FER: variants seen among roughly 807,000 people sequenced by gnomAD.
FER encodes the protein tyrosine-protein kinase Fer.
A neutral mutation model predicts 111.0 loss-of-function variants in FER; 63 were observed. The observed-to-expected ratio is 0.57, with a 90% CI of 0.46 to 0.70. The LOEUF (loss-of-function observed/expected upper bound fraction) is 0.70. FER is among the 30% of genes least tolerant of loss of function. The probability of loss-of-function intolerance (pLI) is 0.00; values close to 1 mark genes in which losing one functional copy is unlikely to be tolerated. For synonymous variants in FER, 327 were observed against 313.9 expected (o/e 1.04, Z -0.44); for missense variants, 914 against 954.0 (o/e 0.96, Z 0.55).
In FER at chr5:109,184,009, A is replaced by G. The variant is rs555119223; in HGVS notation, c.2204-2191A>G. Among the ~76,000 whole-genome samples the G allele has an allele frequency of 2.9e-3, 441 of 152,198 alleles. 3 individuals carry two copies. The highest frequency in any genetic ancestry group is 0.026 in the South Asian group (126 of 4,810). ...TCTCTCATATACTTTAAAAAAAAAT[A>G]CAAAATGGTAGAATACTCAACACCT... is the stretch of plus-strand genomic sequence containing the variant. On this transcript the variant is annotated intron_variant, in intron 18 of 19. Transcript: ENST00000281092.
rs375033271 is a variant in FER at position 108,766,599 on chromosome 5, A to C, written c.-205-1494A>C. ...CCTAAGGGCGAAGGCACCCTTTGGA[A>C]ATGGTTAAAAGATTAGAAAAGTAGA... On this transcript the variant is annotated intron_variant, in intron 1 of 19. Coordinates refer to ENST00000281092, the MANE Select transcript of FER (RefSeq NM_005246.4). Among the ~76,000 whole-genome samples the C allele has an allele frequency of 7.9e-5, 12 of 152,230 alleles. No homozygotes were observed. The East Asian group carries it at 2.3e-3, about 29-fold the overall frequency.
At chr5:109,135,853 C>G (rs939312551) in intron 17 of FER, among the ~76,000 whole-genome samples, 9 of 152,040 alleles carry the variant, frequency 5.9e-5, no homozygotes, top group Non-Finnish European at 1.0e-4. Flanking sequence ...AACCAGCGCT[C>G]AAAAACAGAA....
chr5:109,173,616 TC>T (rs1202653984), intron 17 of FER, among the ~76,000 whole-genome samples: 1 of 152,198 alleles, frequency 6.6e-6, no homozygotes, highest in Non-Finnish European at 1.5e-5. Flanking sequence ...CCAGGCCTGC[TC>T]AACCAGTTTT....
intron 15 of FER, among the ~76,000 whole-genome samples, chr5:109,045,506 C>G (rs1393328694): frequency 6.6e-6 from 1 of 152,054 alleles, no homozygotes; most frequent in African/African-American, 2.4e-5. Context: ...TTGGGACAGA[C>G]AGGCATTTGA....
intron 13 of FER, among the ~76,000 whole-genome samples, chr5:108,982,086 C>T (rs2149723764): frequency 6.6e-6 from 1 of 152,168 alleles, no homozygotes. Context: ...TCAACATCAC[C>T]TGGGAACTTG....
Position 108,756,180 on chromosome 5 carries a change from TAATA to T in FER, c.-206+8185_-206+8188del, listed in dbSNP as rs775909799. On this transcript the variant is annotated intron_variant, in intron 1 of 19. Coordinates refer to ENST00000281092, the MANE Select transcript of FER (RefSeq NM_005246.4). ...TCAAAAAAAAAAAAAAAAATAATAA[TAATA>T]AATACAATAAAAAGAAAATATACAG... Among the ~76,000 whole-genome samples, 518 of 150,204 alleles carry T rather than the reference TAATA, an allele frequency of 3.4e-3. 1 individual carries two copies. Among genetic ancestry groups the T allele is most frequent in the South Asian group, 0.011 (52 of 4,742 alleles).
chr5:109,048,940 G>T (rs961938057), intron 16 of FER, among the ~76,000 whole-genome samples: 3 of 151,430 alleles, frequency 2.0e-5, no homozygotes, highest in Non-Finnish European at 1.5e-5. Context: ...ATTCCATTTT[G>T]TGGATTTACA....
chr5:109,081,256 G>T (rs1471069740), intron 16 of FER, among the ~76,000 whole-genome samples: 2 of 151,982 alleles, frequency 1.3e-5, no homozygotes, highest in Admixed American at 1.3e-4. Flanking sequence ...TATAGAATGG[G>T]TCCTTTTCTT....
chr5:108,878,874 G>T (rs1375560184), intron 8 of FER, among the ~76,000 whole-genome samples: 2 of 152,108 alleles, frequency 1.3e-5, no homozygotes, highest in Non-Finnish European at 2.9e-5. Context: ...TCTAGGATGT[G>T]TAATTACTAA....
At position 108,968,319 on chromosome 5, in the gene FER, G is replaced by A. The variant is rs181404338; in HGVS notation, c.1656+8972G>A. 8.9e-4 allele frequency among the ~76,000 whole-genome samples: 135 copies of A among 152,204 alleles called. 1 individual carries two copies. The highest frequency in any genetic ancestry group is 1.8e-3 in the African/African-American group (73 of 41,546). ...GGACAATTGCTTGAACCTGGGAGGCGGAGGTTGCAGTGAGCCAAGATCATG... is the reference window on the plus strand; with the variant it reads ...GGACAATTGCTTGAACCTGGGAGGCAGAGGTTGCAGTGAGCCAAGATCATG... On this transcript the variant is annotated intron_variant, in intron 13 of 19. Transcript: ENST00000281092.
At chr5:109,169,254 A>G (rs1756854311) in intron 17 of FER, among the ~76,000 whole-genome samples, 1 of 152,208 alleles carries the variant, frequency 6.6e-6, no homozygotes, top group Non-Finnish European at 1.5e-5. Flanking sequence ...GTCTTATCAA[A>G]TATAATGCAG....
intron 11 of FER, 54 bp downstream of exon 11, chr5:108,946,276 T>C (rs578032030): frequency 9.7e-6 from 11 of 1,128,690 alleles, no homozygotes; most frequent in Non-Finnish European, 1.5e-5. Context: ...CTAGCTTCTT[T>C]CTGATGCACT....
intron 13 of FER, among the ~76,000 whole-genome samples, chr5:109,030,762 C>T (rs542694709): frequency 4.6e-5 from 7 of 152,188 alleles, no homozygotes; most frequent in Middle Eastern, 3.4e-3. Flanking sequence ...TTCTTTCTCC[C>T]GTTAGGCACA....
chr5:108,812,911 T>C (rs895318376), intron 3 of FER, among the ~76,000 whole-genome samples: 27 of 142,340 alleles, frequency 1.9e-4, no homozygotes, highest in Admixed American at 1.6e-3. Context: ...ATGTGAGTTA[T>C]AAATCCACAA....
chr5:108,859,412 G>C (rs1420301232), intron 5 of FER, among the ~76,000 whole-genome samples: 1 of 152,104 alleles, frequency 6.6e-6, no homozygotes, highest in African/African-American at 2.4e-5. Flanking sequence ...CTTCGTAAAG[G>C]CTTGCTTTGG....
chr5:108,927,579 G>A (rs945505052), intron 10 of FER, among the ~76,000 whole-genome samples: 6 of 152,072 alleles, frequency 3.9e-5, no homozygotes, highest in African/African-American at 1.4e-4. Flanking sequence ...CTTAATGTGG[G>A]CTTTATTATT....
chr5:109,182,933 CA>C (rs1486509042), intron 18 of FER, among the ~76,000 whole-genome samples: 2 of 152,118 alleles, frequency 1.3e-5, no homozygotes, highest in African/African-American at 2.4e-5. Flanking sequence ...CCTCAACCTC[CA>C]GGGCTCAAGC....
intron 17 of FER, among the ~76,000 whole-genome samples, chr5:109,178,881 A>AT (rs1757989136): frequency 6.6e-6 from 1 of 152,206 alleles, no homozygotes; most frequent in Non-Finnish European, 1.5e-5. Context: ...AAATCTATAC[A>AT]TTAATTTGGG....
chr5:108,779,949 TAAAC>T, intron 2 of FER, among the ~76,000 whole-genome samples: 1 of 152,198 alleles, frequency 6.6e-6, no homozygotes, highest in Non-Finnish European at 1.5e-5. Context: ...CACTTATAGA[TAAAC>T]ATACATAAGC....
Sources: allele counts gnomAD v4.1 joint callset (sites outside exome capture counted in the v4.1 genomes callset), GRCh38; gene constraint gnomAD v4.1.1; transcripts MANE v1.5; gene names NCBI Gene and HGNC (gene_info 2026-07-23, HGNC 2026-07-21).